The following EHMT1 variants were observed in gnomAD, a reference collection of about 807,000 sequenced individuals.
EHMT1 encodes the protein euchromatic histone lysine methyltransferase 1.
EHMT1 carries 15 observed loss-of-function variants against 147.2 expected under a neutral mutation model. The observed-to-expected ratio is 0.10, with a 90% CI of 0.07 to 0.16. EHMT1 has a LOEUF of 0.16. EHMT1 is among the 10% of genes least tolerant of loss of function. EHMT1 has a pLI of 1.00. For synonymous variants in EHMT1, 795 were observed against 709.6 expected (o/e 1.12, Z -1.91); for missense variants, 1,587 against 1,772.4 (o/e 0.90, Z 1.88).
intron 9 of EHMT1, among the ~76,000 whole-genome samples, chr9:137,759,444 G>C (rs1172569882): frequency 1.3e-5 from 2 of 152,224 alleles, no homozygotes; most frequent in African/African-American, 4.8e-5. Flanking sequence ...GAGACCGGGA[G>C]CTGGCACATG....
At chr9:137,705,662 G>A (rs1000505178) in intron 1 of EHMT1, among the ~76,000 whole-genome samples, 5 of 152,320 alleles carry the variant, frequency 3.3e-5, no homozygotes, top group African/African-American at 1.2e-4. Flanking sequence ...GTTAGCAGGT[G>A]CAACCCACGC....
chr9:137,755,353 T>C (rs1364846130), intron 8 of EHMT1, among the ~76,000 whole-genome samples: 1 of 152,212 alleles, frequency 6.6e-6, no homozygotes, highest in Non-Finnish European at 1.5e-5. Flanking sequence ...GTTTTTCATC[T>C]GGCTTCTCTG....
intron 1 of EHMT1, among the ~76,000 whole-genome samples, chr9:137,647,615 G>A (rs1451730749): frequency 1.4e-5 from 2 of 140,126 alleles, no homozygotes; most frequent in African/African-American, 2.8e-5. Flanking sequence ...TTTTTTTTGA[G>A]ATGGAGTCTT....
At chr9:137,767,316 G>A (rs1014742543) in intron 10 of EHMT1, among the ~76,000 whole-genome samples, 4 of 152,160 alleles carry the variant, frequency 2.6e-5, no homozygotes, top group Admixed American at 6.5e-5. Context: ...CACGTGCTGC[G>A]TAACAGCGTT....
chr9:137,627,758 T>C (rs1843362239), intron 1 of EHMT1, among the ~76,000 whole-genome samples: 1 of 151,392 alleles, frequency 6.6e-6, no homozygotes, highest in African/African-American at 2.4e-5. Flanking sequence ...TGGAGTGCAG[T>C]GGTGTGATCT....
At chr9:137,625,807 G>A (rs559505296) in intron 1 of EHMT1, among the ~76,000 whole-genome samples, 2 of 151,294 alleles carry the variant, frequency 1.3e-5, no homozygotes, top group East Asian at 1.9e-4. Flanking sequence ...TTTTTTAATC[G>A]AATTTTTAAC....
intron 15 of EHMT1, among the ~76,000 whole-genome samples, chr9:137,783,358 C>T (rs1302153370): frequency 2.6e-5 from 4 of 152,204 alleles, no homozygotes; most frequent in African/African-American, 9.7e-5. Flanking sequence ...CTTCAGCTTC[C>T]AGCTCCTGGG....
At chr9:137,619,929 G>T (rs1417160831) in intron 1 of EHMT1, 1 of 152,094 alleles carries the variant, frequency 6.6e-6, no homozygotes, top group Non-Finnish European at 1.5e-5. Context: ...CCGGTTTGGA[G>T]AAAACTGTCA....
At chr9:137,805,619 A>C (rs572497023) in intron 18 of EHMT1, among the ~76,000 whole-genome samples, 12 of 151,818 alleles carry the variant, frequency 7.9e-5, no homozygotes, top group Non-Finnish European at 1.8e-4. Flanking sequence ...ATATGTTCTG[A>C]ACACCATAAT....
intron 4 of EHMT1, among the ~76,000 whole-genome samples, chr9:137,737,544 CAT>C (rs990746384): frequency 2.2e-4 from 34 of 152,124 alleles, no homozygotes; most frequent in African/African-American, 7.5e-4. Context: ...AAGACCTAAA[CAT>C]ATAAAATTCT....
At chr9:137,640,646 A>G (rs1844417092) in intron 1 of EHMT1, among the ~76,000 whole-genome samples, 1 of 152,224 alleles carries the variant, frequency 6.6e-6, no homozygotes, top group Non-Finnish European at 1.5e-5. Flanking sequence ...GCAGAGAAGG[A>G]AAAAATGCTA....
At chr9:137,694,207 T>C (rs1439947684) in intron 1 of EHMT1, among the ~76,000 whole-genome samples, 1 of 126,382 alleles carries the variant, frequency 7.9e-6, no homozygotes, top group African/African-American at 3.2e-5. Context: ...TGCTGGACGC[T>C]GGCCGATACC....
intron 1 of EHMT1, among the ~76,000 whole-genome samples, chr9:137,671,605 A>G (rs536988449): frequency 5.4e-5 from 8 of 148,104 alleles, no homozygotes; most frequent in South Asian, 2.2e-4. Context: ...GCTCATTGCA[A>G]CCTCTGCCTC....
chr9:137,825,144 G>A (rs1221435325), intron 25 of EHMT1, among the ~76,000 whole-genome samples: 4 of 152,184 alleles, frequency 2.6e-5, no homozygotes, highest in Non-Finnish European at 4.4e-5. Context: ...AGCTCCTAGA[G>A]GCAGCTCTCT....
chr9:137,753,473 G>A (rs1289894754), intron 7 of EHMT1, among the ~76,000 whole-genome samples: 6 of 152,210 alleles, frequency 3.9e-5, no homozygotes, highest in African/African-American at 1.2e-4. Flanking sequence ...TCCCGGTACC[G>A]TCCTCACGTG....
chr9:137,709,120 C>T lies in EHMT1; in HGVS notation c.22-1847C>T, dbSNP rs542826973. ...GCTGACACCACCGCTTGGGCACCGT[C>T]TGTGCAAATATCAGCACAGTGAAAA... On this transcript the variant is annotated intron_variant, in intron 1 of 26. Transcript: ENST00000460843. Among the ~76,000 whole-genome samples the T allele has an allele frequency of 3.3e-5, 5 of 152,368 alleles. No individual in the cohort carries two copies. In the East Asian group the frequency reaches 9.6e-4, roughly 29 times the overall value.
intron 24 of EHMT1, 112 bp from the exon 25 acceptor site, chr9:137,817,948 G>A (rs1330402989): frequency 9.7e-7 from 1 of 1,027,974 alleles, no homozygotes; most frequent in East Asian, 2.4e-5. Context: ...TTCCCTGCAT[G>A]TTCTTCTGGT....
At chr9:137,634,216 G>A (rs959600141) in intron 1 of EHMT1, among the ~76,000 whole-genome samples, 1 of 152,050 alleles carries the variant, frequency 6.6e-6, no homozygotes, top group Non-Finnish European at 1.5e-5. Context: ...TTTTGTTGTC[G>A]TGTCTGATTG....
intron 16 of EHMT1, among the ~76,000 whole-genome samples, chr9:137,793,488 C>G (rs951740184): frequency 6.6e-6 from 1 of 152,248 alleles, no homozygotes; most frequent in Non-Finnish European, 1.5e-5. Context: ...CTGGTGGTTC[C>G]TCAGATCGCT....
Sources: allele counts gnomAD v4.1 joint callset (sites outside exome capture counted in the v4.1 genomes callset), GRCh38; gene constraint gnomAD v4.1.1; transcripts MANE v1.5; gene names NCBI Gene and HGNC (gene_info 2026-07-23, HGNC 2026-07-21).